ZNF407: variants seen among roughly 807,000 people sequenced by gnomAD.
The protein encoded by ZNF407 is zinc finger protein 407.
In ZNF407, 17 loss-of-function variants were observed where a neutral mutation model predicts 131.2. The ratio of observed to expected loss-of-function variants is 0.13; its 90% CI spans 0.09 to 0.19. ZNF407 has a LOEUF of 0.19. Ranked by LOEUF, ZNF407 falls within the 10% of genes least tolerant of loss-of-function variation. ZNF407 has a pLI of 1.00. For missense variants in ZNF407, 2,681 were observed against 2,830.6 expected (o/e 0.95, Z 1.20); for synonymous variants, 1,156 against 1,062.0 (o/e 1.09, Z -1.72).
chr18:75,006,100 G>A (rs1189575356), intron 8 of ZNF407, among the ~76,000 whole-genome samples: 2 of 152,144 alleles, frequency 1.3e-5, no homozygotes, highest in East Asian at 3.9e-4. Flanking sequence ...TGGAGGAGGT[G>A]TCTTCAGGGA....
At chr18:74,857,437 A>G (rs558912560) in intron 4 of ZNF407, among the ~76,000 whole-genome samples, 5 of 152,280 alleles carry the variant, frequency 3.3e-5, no homozygotes, top group African/African-American at 1.2e-4. Flanking sequence ...ATTTATTTTA[A>G]TTCCTTGAAT....
intron 3 of ZNF407, among the ~76,000 whole-genome samples, chr18:74,762,676 T>C (rs1969122905): frequency 6.6e-6 from 1 of 152,126 alleles, no homozygotes. Flanking sequence ...TGGAATGATA[T>C]AGTTTGGAAT....
intron 8 of ZNF407, among the ~76,000 whole-genome samples, chr18:74,965,792 C>T (rs1352661797): frequency 6.6e-6 from 1 of 152,174 alleles, no homozygotes; most frequent in East Asian, 1.9e-4. Flanking sequence ...TTTAAGGGCT[C>T]CTTCTCTCCA....
rs1463256592 is a variant in ZNF407 at position 74,632,279 on chromosome 18, T to G, written c.1260T>G (p.Ile420Met). The part of the protein sequence containing the change: ...VTSRPRPERN[I>M]LVLGNSFRRR... Reference sequence around the variant, plus strand: ...CGAGGCCAAGACCTGAGCGAAATATTCTCGTGTTGGGTAATAGCTTTCGTC... The same window carrying G: ...CGAGGCCAAGACCTGAGCGAAATATGCTCGTGTTGGGTAATAGCTTTCGTC... Residue 420 changes from isoleucine (I) to methionine (M), a missense_variant, in exon 2 of 9, where the codon ATT becomes ATG. Around this residue, in one of 6 missense-constraint regions of ZNF407, gnomAD observed 1,789 missense variants for 1,748.7 expected, o/e 1.02. Transcript: ENST00000299687. 6.2e-7 allele frequency: 1 copy of G among 1,613,800 alleles called. No homozygotes were observed. Among genetic ancestry groups the G allele is most frequent in the Non-Finnish European group, 8.5e-7 (1 of 1,179,886 alleles).
chr18:74,670,658 T>C (rs479149), intron 3 of ZNF407, among the ~76,000 whole-genome samples: 3,527 of 152,280 alleles, frequency 0.023, 146 homozygotes, highest in African/African-American at 0.08. Context: ...AAAAGATGCA[T>C]AACATAAAAT....
At chr18:74,889,421 A>G (rs1376280861) in intron 6 of ZNF407, among the ~76,000 whole-genome samples, 2 of 152,122 alleles carry the variant, frequency 1.3e-5, no homozygotes, top group Admixed American at 6.6e-5. Flanking sequence ...TTAATACAGT[A>G]TATTTTTTGT....
chr18:74,948,953 C>G (rs1049268007), intron 8 of ZNF407, among the ~76,000 whole-genome samples: 16 of 152,112 alleles, frequency 1.1e-4, no homozygotes, highest in Admixed American at 2.6e-4. Flanking sequence ...AGACAGCACA[C>G]TAGTGTGTAA....
chr18:74,696,011 T>TG (rs1967346176), intron 3 of ZNF407, among the ~76,000 whole-genome samples: 1 of 152,232 alleles, frequency 6.6e-6, no homozygotes, highest in African/African-American at 2.4e-5. Flanking sequence ...GGAACTGTGC[T>TG]GCTAGATCAT....
chr18:74,633,012 A>G lies in ZNF407; in HGVS notation c.1993A>G (p.Thr665Ala), dbSNP rs1269708132. Reference protein sequence around the residue: ...DLVLQTLPLSTLESENAKESM... With the variant: ...DLVLQTLPLSALESENAKESM... ...GGTTTTACAGACTTTACCTTTGAGT[A>G]CTTTAGAATCAGAAAACGCAAAAGA... The change falls in exon 2 of 9, where the codon ACT becomes GCT. Residue 665 changes from threonine (T) to alanine (A), a missense_variant. Transcript: ENST00000299687. The G allele has an allele frequency of 6.2e-7, 1 of 1,613,788 alleles. No individual in the cohort carries two copies. The highest frequency in any genetic ancestry group is 8.5e-7 in the Non-Finnish European group (1 of 1,179,894).
At chr18:74,601,021 A>G (rs1982555372) in intron 1 of ZNF407, among the ~76,000 whole-genome samples, 1 of 152,162 alleles carries the variant, frequency 6.6e-6, no homozygotes, top group African/African-American at 2.4e-5. Context: ...AGTGGCCCAG[A>G]GGTAGGGGAA....
At chr18:74,997,808 T>G (rs1443968369) in intron 8 of ZNF407, among the ~76,000 whole-genome samples, 2 of 152,242 alleles carry the variant, frequency 1.3e-5, no homozygotes, top group Non-Finnish European at 2.9e-5. Context: ...CTTCTACCTC[T>G]GCTTACCCAG....
intron 3 of ZNF407, among the ~76,000 whole-genome samples, chr18:74,757,199 GTTTAT>G (rs774318119): frequency 1.1e-4 from 16 of 151,658 alleles, no homozygotes; most frequent in Non-Finnish European, 2.1e-4. Context: ...TCTTTTATTC[GTTTAT>G]TTTATTTTAT....
chr18:74,601,755 C>T (rs1227062156), intron 1 of ZNF407, among the ~76,000 whole-genome samples: 1 of 152,150 alleles, frequency 6.6e-6, no homozygotes, highest in East Asian at 1.9e-4. Context: ...AGGAGGGACA[C>T]CCCCGCCATA....
At chr18:74,968,189 G>T (rs979680060) in intron 8 of ZNF407, among the ~76,000 whole-genome samples, 1 of 152,054 alleles carries the variant, frequency 6.6e-6, no homozygotes, top group Non-Finnish European at 1.5e-5. Flanking sequence ...ATTGCTTTAG[G>T]TATTAGCATA....
chr18:74,914,537 T>C lies in ZNF407; in HGVS notation c.5250-5977T>C, dbSNP rs182779378. ...TTCCCAGGTGAAGATTTTGTGTTTA[T>C]GTGCGCTTACCTTCTCTAAAGAAAA... On this transcript the variant is annotated intron_variant, in intron 7 of 8. Transcript: ENST00000299687. Among the ~76,000 whole-genome samples, 37 of 152,350 alleles carry C rather than the reference T, an allele frequency of 2.4e-4. No individual in the cohort carries two copies. The East Asian group carries it at 7.1e-3, about 29-fold the overall frequency.
intron 8 of ZNF407, among the ~76,000 whole-genome samples, chr18:74,968,333 A>G (rs947221945): frequency 6.6e-6 from 1 of 152,126 alleles, no homozygotes; most frequent in African/African-American, 2.4e-5. Context: ...TTCAATCTCA[A>G]ATGTGATTTA....
At chr18:74,649,448 T>C (rs1249285978) in intron 3 of ZNF407, among the ~76,000 whole-genome samples, 5 of 152,228 alleles carry the variant, frequency 3.3e-5, no homozygotes. Context: ...AGTATGATTT[T>C]TTACATTGTG....
chr18:75,038,193 A>G (rs190082359), intron 8 of ZNF407, among the ~76,000 whole-genome samples: 1 of 152,346 alleles, frequency 6.6e-6, no homozygotes, highest in Non-Finnish European at 1.5e-5. Flanking sequence ...TTCCAGAGTA[A>G]CTTCAAATGG....
chr18:74,790,976 C>T (rs1969815191), intron 4 of ZNF407, among the ~76,000 whole-genome samples: 2 of 152,246 alleles, frequency 1.3e-5, no homozygotes, highest in South Asian at 4.2e-4. Context: ...ACAGGGTTTC[C>T]CCCAATTCTT....
Sources: allele counts gnomAD v4.1 joint callset (sites outside exome capture counted in the v4.1 genomes callset), GRCh38; gene constraint gnomAD v4.1.1; regional missense constraint gnomAD v4.1.1; transcripts MANE v1.5; gene names NCBI Gene and HGNC (gene_info 2026-07-23, HGNC 2026-07-21).